ANK1: variants seen among roughly 807,000 people sequenced by gnomAD.
ANK1 encodes ankyrin-1.
ANK1 carries 51 observed loss-of-function variants against 210.4 expected under a neutral mutation model. The ratio of observed to expected loss-of-function variants is 0.24; its 90% confidence interval spans 0.19 to 0.31. The LOEUF (loss-of-function observed/expected upper bound fraction) is 0.31, where lower values mean the gene tolerates loss of function less well. ANK1 is among the 10% of genes least tolerant of loss of function. ANK1 has a pLI of 1.00. For missense variants in ANK1, 2,051 were observed against 2,504.4 expected, an observed-to-expected ratio of 0.82 and a Z score of 3.86; for synonymous variants, 967 against 1,025.9, an observed-to-expected ratio of 0.94 and a Z score of 1.10.
intron 9 of ANK1, 38 bp downstream of exon 9, chr8:41,723,087 T>C (rs753353091): frequency 1.3e-6 from 2 of 1,592,226 alleles, no homozygotes; most frequent in South Asian, 1.1e-5. Context: ...CCTGGAGCCC[T>C]GTCTAGAAAA....
intron 37 of ANK1, among the ~76,000 whole-genome samples, chr8:41,675,264 T>C (rs775296784): frequency 4.4e-4 from 67 of 152,122 alleles, no homozygotes; most frequent in Non-Finnish European, 6.0e-4. Context: ...GCCTGGCCAA[T>C]TTTTGTATTT....
At chr8:41,693,252 T>C (rs377640408) in intron 29 of ANK1, 51 bp from the exon 30 acceptor site, 2 of 1,456,008 alleles carry the variant, frequency 1.4e-6, no homozygotes, top group Non-Finnish European at 1.9e-6. Flanking sequence ...GATGTAAGCA[T>C]GGAGCTTACT....
Position 41,684,572 on chromosome 8 carries a change from G to A in ANK1, c.4509C>T (p.Asp1503=). The part of the protein sequence containing the change: ...LKPDRRHTDR[D]YSLSPSQMNG... ...TCATCTGGGAGGGTGACAGCGAGTA[G>A]TCGCGGTCGGTGTGCCGCCTGTCTG... is the stretch of plus-strand genomic sequence containing the variant. The change falls in exon 37 of 43, where the codon GAC becomes GAT. Residue 1503 remains aspartate, a synonymous_variant. Transcript: ENST00000289734. The A allele has an allele frequency of 6.2e-7, 1 of 1,613,854 alleles. No individual in the cohort carries two copies. Among genetic ancestry groups the A allele is most frequent in the South Asian group, 1.1e-5 (1 of 91,092 alleles).
intron 2 of ANK1, among the ~76,000 whole-genome samples, chr8:41,756,471 C>G (rs1454374201): frequency 6.7e-6 from 1 of 148,972 alleles, no homozygotes; most frequent in Admixed American, 6.7e-5. Context: ...GAGATGGAGT[C>G]TCGCTCTGTC....
chr8:41,687,109 A>C (rs1019864552), intron 35 of ANK1, among the ~76,000 whole-genome samples: 1 of 152,182 alleles, frequency 6.6e-6, no homozygotes, highest in Non-Finnish European at 1.5e-5. Flanking sequence ...TCATTGCCAA[A>C]AGGTTTCTGA....
At chr8:41,839,048 G>C (rs1808363368) in intron 1 of ANK1, among the ~76,000 whole-genome samples, 1 of 152,110 alleles carries the variant, frequency 6.6e-6, no homozygotes, top group South Asian at 2.1e-4. Flanking sequence ...CTGCACTCCA[G>C]CCTGGGTGAC....
chr8:41,827,702 TCAC>T (rs1805644315), intron 1 of ANK1, among the ~76,000 whole-genome samples: 1 of 122,990 alleles, frequency 8.1e-6, no homozygotes, highest in East Asian at 2.1e-4. Context: ...TCACACACAC[TCAC>T]ACGCACACCC....
chr8:41,772,257 G>T (rs1292393604), intron 1 of ANK1, among the ~76,000 whole-genome samples: 3 of 152,336 alleles, frequency 2.0e-5, no homozygotes, highest in Middle Eastern at 3.4e-3. Context: ...CCACAATTGA[G>T]CTGTGCAGCT....
At chr8:41,884,589 C>T (rs1818128913) in intron 1 of ANK1, among the ~76,000 whole-genome samples, 1 of 151,724 alleles carries the variant, frequency 6.6e-6, no homozygotes. Context: ...AATCCCAGAG[C>T]TTTCAGAGTC....
At chr8:41,893,035 C>T (rs1819747425) in intron 1 of ANK1, among the ~76,000 whole-genome samples, 1 of 152,162 alleles carries the variant, frequency 6.6e-6, no homozygotes, top group African/African-American at 2.4e-5. Flanking sequence ...GGCGTCAGCG[C>T]TCCTCTCCCT....
At chr8:41,887,143 C>T (rs1436593803) in intron 1 of ANK1, among the ~76,000 whole-genome samples, 2 of 152,100 alleles carry the variant, frequency 1.3e-5, no homozygotes, top group African/African-American at 4.8e-5. Context: ...AGCCCTGCTA[C>T]CCTCTTAGAC....
At chr8:41,867,265 T>C (rs759749511) in intron 1 of ANK1, among the ~76,000 whole-genome samples, 1 of 152,214 alleles carries the variant, frequency 6.6e-6, no homozygotes, top group Non-Finnish European at 1.5e-5. Flanking sequence ...TGTGATGGGC[T>C]TGTTTCAGAG....
At chr8:41,822,033 G>A in intron 1 of ANK1, among the ~76,000 whole-genome samples, 1 of 150,880 alleles carries the variant, frequency 6.6e-6, no homozygotes. Flanking sequence ...CTGGGCCACA[G>A]AGTGAGACTC....
intron 1 of ANK1, among the ~76,000 whole-genome samples, chr8:41,782,551 C>G (rs1202354572): frequency 1.3e-5 from 2 of 152,152 alleles, no homozygotes; most frequent in African/African-American, 2.4e-5. Context: ...CAGGTCTTCC[C>G]CTAAACATTG....
At chr8:41,802,512 A>G (rs941576521), upstream of ANK1, among the ~76,000 whole-genome samples, 1 of 152,226 alleles carries the variant, frequency 6.6e-6, no homozygotes, top group African/African-American at 2.4e-5. Context: ...CCATTGGCCT[A>G]TAAGTCTATC....
In ANK1 at chr8:41,717,044, TCCACTTTCTATAAAATAAC is replaced by T; in HGVS notation, c.1306-12_1312del. On this transcript the variant is annotated splice_acceptor_variant and splice_polypyrimidine_tract_variant and coding_sequence_variant and intron_variant, in exon 13 of 43. Coordinates refer to ENST00000289734, the MANE Select transcript of ANK1 (RefSeq NM_000037.4). LOFTEE classifies it high-confidence loss of function. ...TCTGGCTGCCATGTGTAGCGGGGTC[TCCACTTTCTATAAAATAAC>T]AAAATTATAGAACTGTTCATACATG... is the stretch of plus-strand genomic sequence containing the variant. 6.2e-7 allele frequency: 1 copy of T among 1,614,236 alleles called. No individual in the cohort carries two copies.
At chr8:41,690,135 G>A in intron 33 of ANK1, 92 bp downstream of exon 33, 1 of 1,576,802 alleles carries the variant, frequency 6.3e-7, no homozygotes, top group Non-Finnish European at 8.7e-7. Context: ...CCAGGAAGAA[G>A]CCCCTTGGAA....
chr8:41,659,266 CA>C, intron 42 of ANK1, among the ~76,000 whole-genome samples: 1 of 152,096 alleles, frequency 6.6e-6, no homozygotes, highest in Non-Finnish European at 1.5e-5. Flanking sequence ...ACAATGAAAC[CA>C]AAAATGTGAA....
intron 1 of ANK1, among the ~76,000 whole-genome samples, chr8:41,864,456 G>A (rs764552068): frequency 5.3e-5 from 8 of 152,170 alleles, no homozygotes; most frequent in Non-Finnish European, 7.4e-5. Context: ...TGCCCACCAC[G>A]AGAGCTGCTG....
Sources: gnomAD v4.1 joint callset for allele counts (sites outside exome capture counted in the v4.1 genomes callset) on GRCh38, gnomAD v4.1.1 for gene constraint, MANE v1.5 for transcripts, NCBI Gene and HGNC (gene_info 2026-07-23, HGNC 2026-07-21) for gene names.